The following EXOC4 variants were observed in gnomAD, a reference collection of about 807,000 sequenced individuals.
EXOC4 encodes exocyst complex component 4.
Under a neutral mutation model 107.2 loss-of-function variants are expected in EXOC4, and 71 were observed. The observed-to-expected ratio is 0.66, with a 90% CI of 0.55 to 0.81. The LOEUF is 0.81. EXOC4 is among the 30% of genes least tolerant of loss of function. The pLI is 0.00. For missense variants in EXOC4, 1,108 were observed against 1,189.6 expected, an observed-to-expected ratio of 0.93 and a Z score of 1.01; for synonymous variants, 456 against 441.2, an observed-to-expected ratio of 1.03 and a Z score of -0.42.
chr7:133,524,120 T>C (rs1287828982), intron 9 of EXOC4, among the ~76,000 whole-genome samples: 4 of 141,304 alleles, frequency 2.8e-5, no homozygotes, highest in African/African-American at 1.1e-4. Flanking sequence ...TTCCTGACTT[T>C]TTAATGATTG....
chr7:133,495,501 A>G (rs991297862), intron 9 of EXOC4, among the ~76,000 whole-genome samples: 1 of 152,134 alleles, frequency 6.6e-6, no homozygotes, highest in African/African-American at 2.4e-5. Flanking sequence ...AAGATTTCCT[A>G]TGCTTCTTAA....
chr7:133,675,918 T>G (rs1794046606), intron 10 of EXOC4, among the ~76,000 whole-genome samples: 1 of 152,192 alleles, frequency 6.6e-6, no homozygotes, highest in Non-Finnish European at 1.5e-5. Flanking sequence ...TTTGGTTCTC[T>G]TCTCAGGCAA....
At chr7:133,276,351 A>C (rs1350630822) in intron 2 of EXOC4, among the ~76,000 whole-genome samples, 1 of 152,034 alleles carries the variant, frequency 6.6e-6, no homozygotes, top group African/African-American at 2.4e-5. Context: ...TTTTGAGATC[A>C]CTCCTTTAAT....
chr7:133,279,087 G>T (rs1794068898), intron 2 of EXOC4, among the ~76,000 whole-genome samples: 1 of 151,372 alleles, frequency 6.6e-6, no homozygotes, highest in Admixed American at 6.6e-5. Flanking sequence ...TTTTGTCCTT[G>T]CGATAGTTTG....
At chr7:133,572,471 GAAT>G (rs1447102618) in intron 9 of EXOC4, among the ~76,000 whole-genome samples, 2 of 151,866 alleles carry the variant, frequency 1.3e-5, no homozygotes, top group African/African-American at 4.8e-5. Flanking sequence ...AATAAATCAA[GAAT>G]AATAAATATC....
At chr7:133,630,955 C>T (rs1278346126) in intron 10 of EXOC4, among the ~76,000 whole-genome samples, 1 of 152,146 alleles carries the variant, frequency 6.6e-6, no homozygotes, top group Middle Eastern at 3.4e-3. Context: ...GTAGATAAAA[C>T]GTTTCAGTTT....
chr7:133,912,501 G>C (rs1175699735), intron 12 of EXOC4, among the ~76,000 whole-genome samples: 2 of 152,176 alleles, frequency 1.3e-5, no homozygotes, highest in Admixed American at 6.5e-5. Context: ...CTTTGATTTG[G>C]TTAAATACCA....
chr7:134,040,877 A>G (rs528763009), intron 17 of EXOC4, among the ~76,000 whole-genome samples: 2 of 152,340 alleles, frequency 1.3e-5, no homozygotes, highest in Admixed American at 6.5e-5. Flanking sequence ...CATATGTGGT[A>G]TAGGTGGTCG....
chr7:133,335,372 C>G (rs1010152081), intron 5 of EXOC4, among the ~76,000 whole-genome samples: 2 of 152,144 alleles, frequency 1.3e-5, no homozygotes, highest in African/African-American at 4.8e-5. Flanking sequence ...TCCACCTCCA[C>G]CAACCCCTGG....
Position 133,355,231 on chromosome 7 carries a change from G to A in EXOC4, c.764-1099G>A, listed in dbSNP as rs139426272. On this transcript the variant is annotated intron_variant, in intron 5 of 17. Transcript: ENST00000253861. ...AAGGAAGAATGTATTCATTCTTTCAGGATATTGCAGATTTTTAAAATCTTG... is the reference window on the plus strand; with the variant it reads ...AAGGAAGAATGTATTCATTCTTTCAAGATATTGCAGATTTTTAAAATCTTG... 3.3e-3 allele frequency among the ~76,000 whole-genome samples: 495 copies of A among 152,250 alleles called. 1 individual carries two copies. Among genetic ancestry groups the A allele is most frequent in the Middle Eastern group, 0.01 (3 of 294 alleles).
rs533146942 is a variant in EXOC4, at chr7:133,626,935, G to A, written c.1418-3110G>A. 5.9e-5 allele frequency among the ~76,000 whole-genome samples: 9 copies of A among 152,170 alleles called. No homozygotes were observed. The East Asian group carries it at 1.5e-3, about 26-fold the overall frequency. ...TTTTGACAGTTGCTTACATTGATTC[G>A]GGTTTTGACAGTTTACATTTATTAG... On this transcript the variant is annotated intron_variant, in intron 9 of 17. Coordinates refer to ENST00000253861, the MANE Select transcript of EXOC4 (RefSeq NM_021807.4).
intron 10 of EXOC4, among the ~76,000 whole-genome samples, chr7:133,778,720 T>G (rs1053441930): frequency 6.6e-6 from 1 of 152,262 alleles, no homozygotes; most frequent in African/African-American, 2.4e-5. Flanking sequence ...CTCTTCATTC[T>G]ATCATACAGA....
intron 15 of EXOC4, among the ~76,000 whole-genome samples, chr7:134,003,882 A>G (rs988971588): frequency 6.6e-6 from 1 of 152,104 alleles, no homozygotes; most frequent in Non-Finnish European, 1.5e-5. Flanking sequence ...AGACTTCCTC[A>G]GCAGCTACTA....
At chr7:133,740,847 C>T (rs1003625395) in intron 10 of EXOC4, among the ~76,000 whole-genome samples, 11 of 152,060 alleles carry the variant, frequency 7.2e-5, no homozygotes, top group African/African-American at 1.9e-4. Context: ...TGACCCTGTT[C>T]GATGAGTAGG....
intron 10 of EXOC4, among the ~76,000 whole-genome samples, chr7:133,679,033 G>A (rs1562904283): frequency 2.0e-5 from 3 of 151,912 alleles, no homozygotes; most frequent in Admixed American, 6.6e-5. Flanking sequence ...CATTGAAACC[G>A]ATGTCATAAC....
chr7:133,781,228 A>G (rs1796459888), intron 10 of EXOC4, among the ~76,000 whole-genome samples: 1 of 152,216 alleles, frequency 6.6e-6, no homozygotes, highest in African/African-American at 2.4e-5. Flanking sequence ...GAAGCAGAAA[A>G]CTTTTGAAGG....
intron 3 of EXOC4, among the ~76,000 whole-genome samples, chr7:133,300,531 T>C (rs977379851): frequency 2.0e-5 from 3 of 152,220 alleles, no homozygotes; most frequent in Non-Finnish European, 4.4e-5. Flanking sequence ...TGAAGTCCGG[T>C]CTACTGGTGT....
chr7:133,655,684 G>A (rs780198831), intron 10 of EXOC4, among the ~76,000 whole-genome samples: 3 of 152,160 alleles, frequency 2.0e-5, no homozygotes, highest in Admixed American at 6.5e-5. Context: ...CCCACCAGAA[G>A]GTCTTCAGGG....
chr7:134,019,953 G>A (rs1794991768), intron 17 of EXOC4, among the ~76,000 whole-genome samples: 1 of 152,088 alleles, frequency 6.6e-6, no homozygotes, highest in African/African-American at 2.4e-5. Flanking sequence ...TTATGGGGTT[G>A]GTTTTGCTCA....
Sources: allele counts gnomAD v4.1 joint callset (sites outside exome capture counted in the v4.1 genomes callset), GRCh38; gene constraint gnomAD v4.1.1; transcripts MANE v1.5; gene names NCBI Gene and HGNC (gene_info 2026-07-23, HGNC 2026-07-21).